GALNT15: variants seen among roughly 807,000 people sequenced by gnomAD.
GALNT15 encodes the protein UDP-GalNAc transferase T15.
Under a neutral mutation model 66.8 loss-of-function variants are expected in GALNT15, and 67 were observed. That is an observed-to-expected ratio of 1.00 (90% confidence interval 0.82 to 1.23). The LOEUF (loss-of-function observed/expected upper bound fraction) is 1.23. GALNT15 is among the 50% of genes most tolerant of loss of function. GALNT15 has a pLI of 0.00. For missense variants in GALNT15, 827 were observed against 804.3 expected (o/e 1.03, Z -0.34); for synonymous variants, 313 against 311.5 (o/e 1.00, Z -0.05).
In GALNT15 at chr3:16,222,712, C is replaced by A. The variant is rs372848556; in HGVS notation, c.1727C>A (p.Thr576Lys). Residue 576 changes from threonine (T) to lysine (K), a missense_variant, in exon 9 of 10, where the codon ACG becomes AAG. Coordinates refer to ENST00000339732, the MANE Select transcript of GALNT15 (RefSeq NM_054110.5). The stretch of plus-strand genomic sequence containing the variant: ...GAGCAGGTGATTCTTCAGAACTGCA[C>A]GGAGGAAGGCCTGGCCATCCACCAG... Reference protein sequence around the residue: ...RQEQVILQNCTEEGLAIHQQH... With the variant: ...RQEQVILQNCKEEGLAIHQQH... 1 of 1,614,208 alleles carries A rather than the reference C, an allele frequency of 6.2e-7. No homozygotes were observed. Among genetic ancestry groups the A allele is most frequent in the East Asian group, 2.2e-5 (1 of 44,876 alleles).
At chr3:16,206,685 A>G (rs928743976) in intron 3 of GALNT15, among the ~76,000 whole-genome samples, 5 of 151,404 alleles carry the variant, frequency 3.3e-5, no homozygotes, top group Admixed American at 6.6e-5. Flanking sequence ...AAAAAAAAAA[A>G]AAAAAAAAAA....
chr3:16,237,671 C>T, the GALNT15 span, among the ~76,000 whole-genome samples: 1 of 152,188 alleles, frequency 6.6e-6, no homozygotes, highest in Non-Finnish European at 1.5e-5. The surrounding 1 kb of genome is among the most constrained non-coding windows in gnomAD (Gnocchi z 4.2). Context: ...CACCACTCCC[C>T]AGTGTGGGTC....
chr3:16,204,397 T>C lies in GALNT15; in HGVS notation c.911+3574T>C, dbSNP rs2063735769. ...ACAGTAATGATAATATTAGAGATGT[T>C]CTCTTGGGTTGCACAGTGCGCAACT... On this transcript the variant is annotated intron_variant, in intron 3 of 9. Transcript: ENST00000339732. This position sits in a 1 kb window ranked among gnomAD's most constrained non-coding sequence, Gnocchi z 4.5. Among the ~76,000 whole-genome samples the C allele has an allele frequency of 6.6e-6, 1 of 152,140 alleles. No homozygotes were observed. The highest frequency in any genetic ancestry group is 2.4e-5 in the African/African-American group (1 of 41,422).
chr3:16,236,731 T>A (rs902471397), downstream of GALNT15, among the ~76,000 whole-genome samples: 8 of 152,186 alleles, frequency 5.3e-5, no homozygotes, highest in African/African-American at 1.9e-4. Context: ...TATAAAAAAG[T>A]AGGAATAAGC....
At chr3:16,216,501 G>GAA (rs11377669) in intron 6 of GALNT15, among the ~76,000 whole-genome samples, 22,039 of 143,878 alleles carry the variant, frequency 0.15, 1,776 homozygotes, top group East Asian at 0.22. Context: ...TCTGTCTCGG[G>GAA]AAAAAAAAAA....
At chr3:16,205,174 G>T (rs1379039435) in intron 3 of GALNT15, among the ~76,000 whole-genome samples, 1 of 152,210 alleles carries the variant, frequency 6.6e-6, no homozygotes, top group Non-Finnish European at 1.5e-5. Context: ...GCACTGGGAA[G>T]GGAGAATTCA....
chr3:16,247,532 A>G, the GALNT15 span, among the ~76,000 whole-genome samples: 1 of 152,222 alleles, frequency 6.6e-6, no homozygotes, highest in Non-Finnish European at 1.5e-5. Context: ...TGCAACAAAT[A>G]TTAAAGCAGC....
At position 16,213,498 on chromosome 3, in the gene GALNT15, A is replaced by G. The variant is rs551580449; in HGVS notation, c.1392+735A>G. ...TAGAGTCCAAAAAAGCCACAGAAAA[A>G]TAAAAATTTTAAACATTTAAATGTC... On this transcript the variant is annotated intron_variant, in intron 6 of 9. Coordinates refer to ENST00000339732, the MANE Select transcript of GALNT15 (RefSeq NM_054110.5). 5.6e-4 allele frequency among the ~76,000 whole-genome samples: 85 copies of G among 152,138 alleles called. 1 individual carries two copies. The highest frequency in any genetic ancestry group is 8.3e-4 in the South Asian group (4 of 4,822).
chr3:16,241,438 A>C, the GALNT15 span, among the ~76,000 whole-genome samples: 4 of 151,904 alleles, frequency 2.6e-5, no homozygotes, highest in African/African-American at 9.7e-5. This position sits in a 1 kb window ranked among gnomAD's most constrained non-coding sequence, Gnocchi z 4.6. Context: ...ATGGCTTTAG[A>C]CTCTCCACAT....
In GALNT15 at chr3:16,204,941, G is replaced by C. The variant is rs1057414177; in HGVS notation, c.912-3562G>C. Among the ~76,000 whole-genome samples, 13 of 152,206 alleles carry C rather than the reference G, an allele frequency of 8.5e-5. No individual in the cohort carries two copies. The highest frequency in any genetic ancestry group is 3.3e-4 in the Admixed American group (5 of 15,280). On this transcript the variant is annotated intron_variant, in intron 3 of 9. Coordinates refer to ENST00000339732, the MANE Select transcript of GALNT15 (RefSeq NM_054110.5). The surrounding 1 kb of genome is among the most constrained non-coding windows in gnomAD (Gnocchi z 4.5). ...AGAGTCTGAGTGTGGGGGGGAGCGAGCATGTGCGTGCGTGTGTGTGTGCGC... is the reference window on the plus strand; with the variant it reads ...AGAGTCTGAGTGTGGGGGGGAGCGACCATGTGCGTGCGTGTGTGTGTGCGC...
rs36127239 is a variant in GALNT15, at chr3:16,207,501, TAAAAAAAAAAAAAAAAAAAAAA to T, written c.912-981_912-960del. On this transcript the variant is annotated intron_variant, in intron 3 of 9. Transcript: ENST00000339732. ...ACTCTGCAGTCATATCTCCAGGCTG[TAAAAAAAAAAAAAAAAAAAAAA>T]AAAAAAAAAAAAAAAAAAAATTGGG... Among the ~76,000 whole-genome samples the T allele has an allele frequency of 1.0e-4, 4 of 39,802 alleles. 1 individual carries two copies. The highest frequency in any genetic ancestry group is 1.3e-4 in the Non-Finnish European group (3 of 23,694). The allele number at this position is 39,802 out of a possible 152,430, so 26.1% of individuals were successfully genotyped here.
chr3:16,192,337 G>A (rs2063588076), intron 1 of GALNT15, among the ~76,000 whole-genome samples: 1 of 152,204 alleles, frequency 6.6e-6, no homozygotes, highest in African/African-American at 2.4e-5. Flanking sequence ...GAGCAGACAG[G>A]ACTGACTTTG....
At chr3:16,231,777 T>C (rs1559698064), downstream of GALNT15, 1 of 1,529,606 alleles carries the variant, frequency 6.5e-7, no homozygotes, top group East Asian at 2.4e-5. The surrounding 1 kb of genome is among the most constrained non-coding windows in gnomAD (Gnocchi z 4.1). Context: ...TCCCTCCCTC[T>C]CTCCTTCTCT....
chr3:16,212,689 A>G lies in GALNT15; in HGVS notation c.1318A>G (p.Ile440Val), dbSNP rs775935978. The G allele has an allele frequency of 1.9e-6, 3 of 1,614,026 alleles. No homozygotes were observed. The highest frequency in any genetic ancestry group is 2.2e-5 in the East Asian group (1 of 44,874). ...QEATLRNRVRIAETWLGSFKE... is the reference protein window; with the variant it reads ...QEATLRNRVRVAETWLGSFKE... ...GGCCACCCTGAGGAACAGGGTTCGC[A>G]TTGCTGAGACCTGGCTGGGGTCATT... The change falls in exon 6 of 10, where the codon ATT (isoleucine) becomes GTT (valine). Residue 440 changes from isoleucine to valine, a missense_variant. By Grantham distance (29) the Ile-to-Val change is conservative. Coordinates refer to ENST00000339732, the MANE Select transcript of GALNT15 (RefSeq NM_054110.5).
Position 16,174,993 on chromosome 3 carries a change from G to A in GALNT15, c.-159G>A, listed in dbSNP as rs1170578971. 1.6e-6 allele frequency: 1 copy of A among 636,298 alleles called. No homozygotes were observed. The highest frequency in any genetic ancestry group is 3.5e-4 in the Middle Eastern group (1 of 2,898). 39.4% of individuals were successfully genotyped at this position (636,298 alleles called of 1,614,324 possible). On this transcript the variant is annotated 5_prime_UTR_variant, in exon 1 of 10. Transcript: ENST00000339732. This position sits in a 1 kb window ranked among gnomAD's most constrained non-coding sequence, Gnocchi z 4.7. ...CTGATTGTAAGTGGAAGCAGGTCTTGCACACGCTGTTGGCAAATGTCAGGA... is the reference window on the plus strand; with the variant it reads ...CTGATTGTAAGTGGAAGCAGGTCTTACACACGCTGTTGGCAAATGTCAGGA...
At chr3:16,238,050 C>T in the GALNT15 span, among the ~76,000 whole-genome samples, 13 of 152,198 alleles carry the variant, frequency 8.5e-5, no homozygotes, top group African/African-American at 2.4e-4. The surrounding 1 kb of genome is among the most constrained non-coding windows in gnomAD (Gnocchi z 4.8). Context: ...TTATTCAGTA[C>T]GGCTCTGCAG....
At chr3:16,208,959 C>T (rs551923734) in intron 4 of GALNT15, among the ~76,000 whole-genome samples, 5 of 152,234 alleles carry the variant, frequency 3.3e-5, no homozygotes, top group Admixed American at 6.5e-5. Flanking sequence ...CATAAAGTTC[C>T]GACAGGGTCT....
At chr3:16,240,924 T>G in the GALNT15 span, among the ~76,000 whole-genome samples, 1 of 152,126 alleles carries the variant, frequency 6.6e-6, no homozygotes, top group Non-Finnish European at 1.5e-5. Context: ...AACACCAAAG[T>G]TTTTGTAGTT....
chr3:16,238,472 T>C, the GALNT15 span, among the ~76,000 whole-genome samples: 1 of 152,096 alleles, frequency 6.6e-6, no homozygotes, highest in African/African-American at 2.4e-5. The surrounding 1 kb of genome is among the most constrained non-coding windows in gnomAD (Gnocchi z 4.8). Context: ...ATTAATATTG[T>C]TGTTAATATT....
Sources: allele counts gnomAD v4.1 joint callset (sites outside exome capture counted in the v4.1 genomes callset), GRCh38; gene constraint gnomAD v4.1.1; non-coding constraint Gnocchi (gnomAD v3.1); transcripts MANE v1.5; gene names NCBI Gene and HGNC (gene_info 2026-07-23, HGNC 2026-07-21).